The following ADAMTS19 variants were observed in gnomAD, a reference collection of about 807,000 sequenced individuals.
ADAMTS19 encodes ADAM metallopeptidase with thrombospondin type 1 motif 19, also known as A disintegrin and metalloproteinase with thrombospondin motifs 19.
In ADAMTS19, 93 loss-of-function variants were observed where a neutral mutation model predicts 153.3. The ratio of observed to expected loss-of-function variants is 0.61; its 90% CI spans 0.51 to 0.72. ADAMTS19 has a LOEUF of 0.72. Among genes scored for constraint, ADAMTS19 ranks in the 30% least tolerant of loss-of-function variants. The probability of loss-of-function intolerance (pLI) is 0.00; values close to 1 mark genes in which losing one functional copy is unlikely to be tolerated. For synonymous variants in ADAMTS19, 600 were observed against 556.6 expected (o/e 1.08, Z -1.10); for missense variants, 1,482 against 1,552.1 (o/e 0.95, Z 0.76).
rs966137266 is a variant in ADAMTS19 at position 129,737,295 on chromosome 5, A to T, written c.*77A>T. 11 of 1,296,224 alleles carry T rather than the reference A, an allele frequency of 8.5e-6. No homozygotes were observed. The African/African-American group carries it at 1.7e-4, about 20-fold the overall frequency. 80.3% of individuals were successfully genotyped at this position (1,296,224 alleles called of 1,614,324 possible). ...ACACACACACTAGCATGTTTTTCAGACCAAATATTATCAGATTACATATAA... is the reference window on the plus strand; with the variant it reads ...ACACACACACTAGCATGTTTTTCAGTCCAAATATTATCAGATTACATATAA... On this transcript the variant is annotated 3_prime_UTR_variant, in exon 23 of 23. Transcript: ENST00000274487.
chr5:129,531,051 C>T (rs1752184445), intron 6 of ADAMTS19, among the ~76,000 whole-genome samples: 1 of 151,964 alleles, frequency 6.6e-6, no homozygotes, highest in Admixed American at 6.6e-5. Context: ...CTTCCAAAAC[C>T]ATAAAATACT....
intron 7 of ADAMTS19, among the ~76,000 whole-genome samples, chr5:129,588,067 C>A (rs1453760096): frequency 6.6e-6 from 1 of 152,114 alleles, no homozygotes; most frequent in Non-Finnish European, 1.5e-5. Flanking sequence ...TTGTTCCCAA[C>A]AGGAATATTG....
intron 21 of ADAMTS19, among the ~76,000 whole-genome samples, chr5:129,714,833 C>A (rs530480381): frequency 6.6e-6 from 1 of 152,286 alleles, no homozygotes; most frequent in African/African-American, 2.4e-5. Flanking sequence ...AGCACTTTTG[C>A]ATAATTTGCT....
At chr5:129,642,566 A>C (rs1238807460) in intron 11 of ADAMTS19, among the ~76,000 whole-genome samples, 1 of 152,202 alleles carries the variant, frequency 6.6e-6, no homozygotes. Flanking sequence ...ACATGTATTT[A>C]ATAATTATGG....
Position 129,737,131 on chromosome 5 carries a change from GA to G in ADAMTS19, c.3557del (p.Asn1186ThrfsTer31). 1 of 1,611,684 alleles carries G rather than the reference GA, an allele frequency of 6.2e-7. No individual in the cohort carries two copies. The highest frequency in any genetic ancestry group is 8.5e-7 in the Non-Finnish European group (1 of 1,178,436). The stretch of plus-strand genomic sequence containing the variant: ...TGTACTGCCGAGTGATACGTGAAAA[GA>G]ACCTATGTCAGGACATGCGGTGGTA... ...PVYCRVIREK[N>X]LCQDMRWYQR... On this transcript the variant is annotated frameshift_variant, in exon 23 of 23. Transcript: ENST00000274487. LOFTEE classifies it high-confidence loss of function.
At chr5:129,637,464 A>G (rs1160763087) in intron 10 of ADAMTS19, among the ~76,000 whole-genome samples, 2 of 152,298 alleles carry the variant, frequency 1.3e-5, no homozygotes, top group East Asian at 3.9e-4. Context: ...AATCCCTCCT[A>G]GTTTGGATAT....
At chr5:129,504,149 C>A (rs1433120846) in intron 2 of ADAMTS19, among the ~76,000 whole-genome samples, 2 of 152,096 alleles carry the variant, frequency 1.3e-5, no homozygotes, top group African/African-American at 4.8e-5. Flanking sequence ...TTTGCTCAAA[C>A]CAGACATCTT....
intron 2 of ADAMTS19, among the ~76,000 whole-genome samples, chr5:129,482,450 C>A (rs1258629618): frequency 1.3e-5 from 2 of 152,118 alleles, no homozygotes; most frequent in East Asian, 1.9e-4. Context: ...GAAGATATTT[C>A]ATGTGCAATA....
intron 6 of ADAMTS19, among the ~76,000 whole-genome samples, chr5:129,537,742 C>G (rs1236507975): frequency 1.3e-5 from 2 of 150,820 alleles, no homozygotes; most frequent in African/African-American, 4.9e-5. Flanking sequence ...CACATGGACA[C>G]AGGAAGGGGA....
At chr5:129,551,459 T>C (rs932974408) in intron 6 of ADAMTS19, among the ~76,000 whole-genome samples, 1 of 151,732 alleles carries the variant, frequency 6.6e-6, no homozygotes, top group African/African-American at 2.4e-5. Context: ...TAAGTTGTAT[T>C]TCTTACATTT....
chr5:129,514,270 G>C (rs907867932), intron 3 of ADAMTS19, among the ~76,000 whole-genome samples: 1 of 152,056 alleles, frequency 6.6e-6, no homozygotes, highest in African/African-American at 2.4e-5. Context: ...ATATCTCTTA[G>C]ATACACTGAT....
At chr5:129,552,418 C>G (rs886420428) in intron 7 of ADAMTS19, among the ~76,000 whole-genome samples, 4 of 151,788 alleles carry the variant, frequency 2.6e-5, no homozygotes, top group Admixed American at 2.0e-4. Flanking sequence ...CAACAGAATT[C>G]ATGAAACCAC....
chr5:129,630,526 A>G (rs1309649503), intron 10 of ADAMTS19, among the ~76,000 whole-genome samples: 1 of 152,094 alleles, frequency 6.6e-6, no homozygotes. Context: ...AAAGCTTTTC[A>G]ACAAATTGTG....
At chr5:129,479,308 A>G (rs1372011902) in intron 2 of ADAMTS19, among the ~76,000 whole-genome samples, 2 of 152,238 alleles carry the variant, frequency 1.3e-5, no homozygotes, top group African/African-American at 4.8e-5. Context: ...AGAATTTAAC[A>G]TAGAAATTTG....
At chr5:129,532,236 A>G (rs902995045) in intron 6 of ADAMTS19, among the ~76,000 whole-genome samples, 1 of 152,226 alleles carries the variant, frequency 6.6e-6, no homozygotes, top group African/African-American at 2.4e-5. Flanking sequence ...GTTGTCATGC[A>G]TATACTAACA....
At chr5:129,622,118 T>A in intron 9 of ADAMTS19, 80 bp from the exon 10 acceptor site, 1 of 1,380,454 alleles carries the variant, frequency 7.2e-7, no homozygotes, top group South Asian at 1.2e-5. Flanking sequence ...ATTATTAAAG[T>A]GTTTCTTGTT....
In ADAMTS19 at chr5:129,462,097, A is replaced by G. The variant is rs566065890; in HGVS notation, c.747+340A>G. ...TTTTCCAAACTAAGCGCTCCACGTG[A>G]TGTCTTTTAGGAACTCGAAAGACAA... On this transcript the variant is annotated intron_variant, in intron 2 of 22. Transcript: ENST00000274487. Among the ~76,000 whole-genome samples, 493 of 152,286 alleles carry G rather than the reference A, an allele frequency of 3.2e-3. 3 individuals carry two copies. The highest frequency in any genetic ancestry group is 5.2e-3 in the Non-Finnish European group (354 of 68,034).
At chr5:129,502,605 C>T (rs1420927091) in intron 2 of ADAMTS19, among the ~76,000 whole-genome samples, 1 of 152,164 alleles carries the variant, frequency 6.6e-6, no homozygotes, top group Non-Finnish European at 1.5e-5. Context: ...ATGTGATCAT[C>T]TGAAAAGTTT....
intron 19 of ADAMTS19, among the ~76,000 whole-genome samples, chr5:129,697,370 C>A (rs528306541): frequency 3.3e-5 from 5 of 152,046 alleles, no homozygotes; most frequent in Non-Finnish European, 5.9e-5. Context: ...GCTTAAAATT[C>A]TATTTTTGGT....
Sources: allele counts gnomAD v4.1 joint callset (sites outside exome capture counted in the v4.1 genomes callset), GRCh38; gene constraint gnomAD v4.1.1; transcripts MANE v1.5; gene names NCBI Gene and HGNC (gene_info 2026-07-23, HGNC 2026-07-21).